PTPRD: variants seen among roughly 807,000 people sequenced by gnomAD.
PTPRD encodes receptor-type tyrosine-protein phosphatase delta.
In PTPRD, 34 loss-of-function variants were observed where a neutral mutation model predicts 214.5. The ratio of observed to expected loss-of-function variants is 0.16; its 90% CI spans 0.12 to 0.21. The LOEUF is 0.21. Among genes scored for constraint, PTPRD ranks in the 10% least tolerant of loss-of-function variants. The probability of loss-of-function intolerance (pLI) is 1.00; values close to 1 mark genes in which losing one functional copy is unlikely to be tolerated. For missense variants in PTPRD, 2,545 were observed against 2,398.7 expected, an observed-to-expected ratio of 1.06 and a Z score of -1.27; for synonymous variants, 1,128 against 845.7, an observed-to-expected ratio of 1.33 and a Z score of -5.79.
At chr9:9,666,963 A>T (rs1320324260) in intron 7 of PTPRD, among the ~76,000 whole-genome samples, 1 of 151,952 alleles carries the variant, frequency 6.6e-6, no homozygotes, top group African/African-American at 2.4e-5. Context: ...TGTTTTTTGT[A>T]ACATTATTAA....
At position 9,613,435 on chromosome 9, in the gene PTPRD, G is replaced by A. The variant is rs1043050242; in HGVS notation, c.-286-38654C>T. ...GTCCCTGGGTGTGATAGATAGATAA[G>A]CATTCTGTTCTTTTTGCCATCTACT... On this transcript the variant is annotated intron_variant, in intron 7 of 45. Coordinates refer to ENST00000381196, the MANE Select transcript of PTPRD (RefSeq NM_002839.4). Among the ~76,000 whole-genome samples, 5 of 151,972 alleles carry A rather than the reference G, an allele frequency of 3.3e-5. No homozygotes were observed. The South Asian group carries it at 6.2e-4, about 19-fold the overall frequency.
chr9:10,465,634 G>T (rs147760571), intron 2 of PTPRD, among the ~76,000 whole-genome samples: 3 of 152,112 alleles, frequency 2.0e-5, no homozygotes, highest in Admixed American at 2.0e-4. Context: ...GTTTAGATAG[G>T]TTTATATACA....
chr9:10,130,789 T>A (rs1366574033), intron 3 of PTPRD, among the ~76,000 whole-genome samples: 2 of 152,092 alleles, frequency 1.3e-5, no homozygotes, highest in African/African-American at 2.4e-5. Context: ...TGTGCAGATA[T>A]GATCATTTCC....
chr9:9,379,545 T>C (rs74834005), intron 9 of PTPRD, among the ~76,000 whole-genome samples: 4,908 of 152,114 alleles, frequency 0.032, 289 homozygotes, highest in African/African-American at 0.11. Flanking sequence ...TATATAACTT[T>C]AGAATCATTT....
At chr9:10,115,929 A>T (rs2098727297) in intron 3 of PTPRD, among the ~76,000 whole-genome samples, 1 of 152,122 alleles carries the variant, frequency 6.6e-6, no homozygotes, top group Admixed American at 6.6e-5. Flanking sequence ...ATGACTTAGA[A>T]TCTGAATAAC....
chr9:8,468,246 C>G (rs564019044), intron 31 of PTPRD, among the ~76,000 whole-genome samples: 10 of 152,078 alleles, frequency 6.6e-5, no homozygotes, highest in Non-Finnish European at 1.3e-4. Context: ...CTGTGTTACA[C>G]GTTAAATGGT....
At chr9:10,226,405 A>G (rs1037662844) in intron 3 of PTPRD, among the ~76,000 whole-genome samples, 2 of 151,968 alleles carry the variant, frequency 1.3e-5, no homozygotes, top group South Asian at 4.1e-4. Flanking sequence ...GAGGGTGACA[A>G]CAGCCACAGA....
intron 3 of PTPRD, among the ~76,000 whole-genome samples, chr9:10,263,546 T>A (rs1356559886): frequency 6.6e-6 from 1 of 152,166 alleles, no homozygotes; most frequent in Non-Finnish European, 1.5e-5. Context: ...GTCCCTGCCC[T>A]AGAGATCTGT....
At chr9:9,924,016 G>T (rs551262237) in intron 5 of PTPRD, among the ~76,000 whole-genome samples, 1 of 152,068 alleles carries the variant, frequency 6.6e-6, no homozygotes, top group African/African-American at 2.4e-5. Flanking sequence ...TTTGAAATTT[G>T]AAATCATCAC....
chr9:8,688,481 CA>C (rs1247457913), intron 12 of PTPRD, among the ~76,000 whole-genome samples: 1 of 150,984 alleles, frequency 6.6e-6, no homozygotes, highest in Non-Finnish European at 1.5e-5. Context: ...AGGAGAATGG[CA>C]TGAACCCAGG....
intron 3 of PTPRD, among the ~76,000 whole-genome samples, chr9:10,132,507 G>C (rs2098901388): frequency 6.6e-6 from 1 of 151,816 alleles, no homozygotes; most frequent in African/African-American, 2.4e-5. Flanking sequence ...TATTTTAATA[G>C]ATACAGAATG....
chr9:10,080,611 C>T (rs1342137967), intron 3 of PTPRD, among the ~76,000 whole-genome samples: 1 of 152,094 alleles, frequency 6.6e-6, no homozygotes, highest in Non-Finnish European at 1.5e-5. Context: ...AATAACAGTA[C>T]AGTTAACATA....
intron 2 of PTPRD, among the ~76,000 whole-genome samples, chr9:10,581,249 CAGTATTAA>C (rs1345969750): frequency 6.6e-6 from 1 of 152,086 alleles, no homozygotes; most frequent in Admixed American, 6.6e-5. Flanking sequence ...AAATGAAAAA[CAGTATTAA>C]GTCTCAAAAC....
chr9:10,281,079 T>C (rs1299051944), intron 3 of PTPRD, among the ~76,000 whole-genome samples: 2 of 152,190 alleles, frequency 1.3e-5, no homozygotes, highest in Non-Finnish European at 1.5e-5. Context: ...CAAGCAAATC[T>C]GTAAACTCCT....
intron 14 of PTPRD, among the ~76,000 whole-genome samples, chr9:8,590,402 A>C (rs986413193): frequency 2.0e-5 from 3 of 152,146 alleles, no homozygotes; most frequent in African/African-American, 7.2e-5. Context: ...CCTAAAATTC[A>C]AGTGTGCAGA....
chr9:8,803,141 G>T (rs183449373), intron 11 of PTPRD, among the ~76,000 whole-genome samples: 1 of 152,156 alleles, frequency 6.6e-6, no homozygotes, highest in East Asian at 1.9e-4. Context: ...ACAAGATAAC[G>T]CATGTAAAGC....
intron 3 of PTPRD, among the ~76,000 whole-genome samples, chr9:10,123,878 A>T (rs185768285): frequency 7.2e-5 from 11 of 152,336 alleles, no homozygotes; most frequent in Non-Finnish European, 1.5e-4. Context: ...CATAGTGCTA[A>T]GTCCATGGCA....
intron 5 of PTPRD, among the ~76,000 whole-genome samples, chr9:9,918,726 A>G (rs995500590): frequency 6.6e-6 from 1 of 152,146 alleles, no homozygotes; most frequent in East Asian, 1.9e-4. Flanking sequence ...TAGAACCAAT[A>G]GAGAATGCAG....
chr9:8,698,425 C>A (rs886342069), intron 12 of PTPRD, among the ~76,000 whole-genome samples: 1 of 152,220 alleles, frequency 6.6e-6, no homozygotes, highest in Admixed American at 6.5e-5. Flanking sequence ...CTGTTAACTG[C>A]GGAAATGTAG....
Sources: allele counts gnomAD v4.1 joint callset (sites outside exome capture counted in the v4.1 genomes callset), GRCh38; gene constraint gnomAD v4.1.1; transcripts MANE v1.5; gene names NCBI Gene and HGNC (gene_info 2026-07-23, HGNC 2026-07-21).